PCDHGB5: variants seen among roughly 807,000 people sequenced by gnomAD.
PCDHGB5 encodes the protein protocadherin gamma-B5.
PCDHGB5 carries 48 observed loss-of-function variants against 62.9 expected under a neutral mutation model. The ratio of observed to expected loss-of-function variants is 0.76; its 90% confidence interval spans 0.61 to 0.97. The LOEUF is 0.97. Among genes scored for constraint, PCDHGB5 ranks in the 50% least tolerant of loss-of-function variants. The probability of loss-of-function intolerance (pLI) is 0.00; values close to 1 mark genes in which losing one functional copy is unlikely to be tolerated. For synonymous variants in PCDHGB5, 474 were observed against 511.2 expected (o/e 0.93, Z 0.98); for missense variants, 1,118 against 1,198.6 (o/e 0.93, Z 0.99).
At chr5:141,507,810 G>C (rs550331241) in intron 3 of PCDHGB5, among the ~76,000 whole-genome samples, 5 of 152,172 alleles carry the variant, frequency 3.3e-5, no homozygotes, top group Non-Finnish European at 2.9e-5. Context: ...CCTGGGGAAC[G>C]GACCCTGGGG....
rs1487863444 is a variant in PCDHGB5 at position 141,491,016 on chromosome 5, G to A, written c.2398-3791G>A. On this transcript the variant is annotated intron_variant, in intron 1 of 3. Transcript: ENST00000617380. This position sits in a 1 kb window ranked among gnomAD's most constrained non-coding sequence, Gnocchi z 6.9. ...CTCCTGGCTCCTTGGTCACCAAGGTGACAGCCGTGGATGCTGATGCAGGCC... is the reference window on the plus strand; with the variant it reads ...CTCCTGGCTCCTTGGTCACCAAGGTAACAGCCGTGGATGCTGATGCAGGCC... 2.5e-6 allele frequency: 4 copies of A among 1,614,136 alleles called. No individual in the cohort carries two copies. The African/African-American group carries it at 5.3e-5, about 22-fold the overall frequency.
intron 1 of PCDHGB5, among the ~76,000 whole-genome samples, chr5:141,452,019 C>T (rs1227308101): frequency 3.3e-5 from 5 of 152,194 alleles, no homozygotes; most frequent in African/African-American, 1.2e-4. Flanking sequence ...AGCCCACACT[C>T]TGGGGAGATG....
rs577770679 is a variant in PCDHGB5, at chr5:141,458,782, G to A, written c.2398-36025G>A. Reference sequence around the variant, plus strand: ...GGGTCTTGCTGTGTCACACAGGCTGGAGTGCAGTGGTGTGATCTCAGCTCA... The same window carrying A: ...GGGTCTTGCTGTGTCACACAGGCTGAAGTGCAGTGGTGTGATCTCAGCTCA... On this transcript the variant is annotated intron_variant, in intron 1 of 3. Coordinates refer to ENST00000617380, the MANE Select transcript of PCDHGB5 (RefSeq NM_018925.3). 3.3e-5 allele frequency among the ~76,000 whole-genome samples: 5 copies of A among 152,020 alleles called. No homozygotes were observed. In the East Asian group the frequency reaches 9.7e-4, roughly 30 times the overall value.
At chr5:141,443,312 C>T (rs1296976995) in intron 1 of PCDHGB5, among the ~76,000 whole-genome samples, 2 of 115,698 alleles carry the variant, frequency 1.7e-5, no homozygotes, top group Non-Finnish European at 3.3e-5. Flanking sequence ...AAAAACCCAT[C>T]TCTACAAAAA....
chr5:141,433,050 G>A, intron 1 of PCDHGB5: 2 of 1,614,142 alleles, frequency 1.2e-6, no homozygotes, highest in Non-Finnish European at 1.7e-6. Context: ...ACGGACTCGC[G>A]GAAGAGTCAC....
At chr5:141,433,732 G>A (rs1181042854) in intron 1 of PCDHGB5, among the ~76,000 whole-genome samples, 2 of 151,886 alleles carry the variant, frequency 1.3e-5, no homozygotes, top group Non-Finnish European at 2.9e-5. Flanking sequence ...AGCTACTTGG[G>A]AGGCTGAGTC....
At chr5:141,414,691 T>A (rs2095777481) in intron 1 of PCDHGB5, 1 of 1,613,848 alleles carries the variant, frequency 6.2e-7, no homozygotes, top group African/African-American at 1.3e-5. Context: ...GGTACCTCTG[T>A]CCTCATACAT....
intron 1 of PCDHGB5, among the ~76,000 whole-genome samples, chr5:141,474,404 G>A (rs1014003488): frequency 4.6e-5 from 7 of 152,156 alleles, no homozygotes; most frequent in East Asian, 1.9e-4. Context: ...CAAGCTCCCC[G>A]GTGATGCCTA....
Position 141,476,267 on chromosome 5 carries a change from G to A in PCDHGB5, c.2398-18540G>A, listed in dbSNP as rs373758158. The A allele has an allele frequency of 6.8e-6, 11 of 1,613,938 alleles. No homozygotes were observed. Among genetic ancestry groups the A allele is most frequent in the African/African-American group, 1.3e-5 (1 of 74,884 alleles). On this transcript the variant is annotated intron_variant, in intron 1 of 3. Transcript: ENST00000617380. The surrounding 1 kb of genome is among the most constrained non-coding windows in gnomAD (Gnocchi z 7.6). ...GAAGGGTTTCGCTGTGGGCAACGTG[G>A]TCGCGAACCTTGGTTTGGATCTCGG...
At chr5:141,409,876 C>G in intron 1 of PCDHGB5, 1 of 1,612,874 alleles carries the variant, frequency 6.2e-7, no homozygotes, top group East Asian at 2.2e-5. Flanking sequence ...GCAATGACAA[C>G]GCACCGCGGG....
chr5:141,510,995 G>T lies in PCDHGB5; in HGVS notation c.2594G>T (p.Gly865Val). ...STLGGGAGTM[G>V]LSARYGPQFT... is the part of the protein sequence containing the mutation. ...CTGGGAGGGGGTGCCGGCACCATGG[G>T]ATTGAGCGCCCGCTACGGACCCCAG... is the stretch of plus-strand genomic sequence containing the variant. Residue 865 changes from glycine to valine, a missense_variant, in exon 4 of 4, where the codon GGA becomes GTA. Physicochemically the swap from Gly to Val is moderately radical, Grantham distance 109. Around this residue, in one of 2 missense-constraint regions of PCDHGB5, gnomAD observed 1,034 missense variants for 1,029.1 expected, o/e 1.00. Coordinates refer to ENST00000617380, the MANE Select transcript of PCDHGB5 (RefSeq NM_018925.3). The T allele has an allele frequency of 6.2e-7, 1 of 1,614,172 alleles. No individual in the cohort carries two copies. Among genetic ancestry groups the T allele is most frequent in the Non-Finnish European group, 8.5e-7 (1 of 1,180,018 alleles).
intron 1 of PCDHGB5, among the ~76,000 whole-genome samples, chr5:141,473,773 T>C (rs1473510505): frequency 6.6e-6 from 1 of 152,254 alleles, no homozygotes; most frequent in Non-Finnish European, 1.5e-5. Context: ...GGATTTGGTA[T>C]TTTAATTCAA....
intron 2 of PCDHGB5, among the ~76,000 whole-genome samples, chr5:141,501,530 G>A (rs556760554): frequency 3.5e-4 from 53 of 151,998 alleles, no homozygotes; most frequent in Admixed American, 2.2e-3. Context: ...AGCCCAGTAC[G>A]TTGTTGTGCA....
intron 1 of PCDHGB5, among the ~76,000 whole-genome samples, chr5:141,465,879 T>C (rs979784878): frequency 6.6e-6 from 1 of 152,062 alleles, no homozygotes; most frequent in African/African-American, 2.4e-5. Context: ...TCCCAGCACT[T>C]TGGGAGGCCG....
At position 141,486,055 on chromosome 5, in the gene PCDHGB5, C is replaced by T; in HGVS notation, c.2398-8752C>T. 6.2e-7 allele frequency: 1 copy of T among 1,614,170 alleles called. No individual in the cohort carries two copies. ...CTGATCGTGTAAGAAACCTCTTTAG[C>T]CTGCACCCCACTACTGGAAAGCTTA... On this transcript the variant is annotated intron_variant, in intron 1 of 3. Transcript: ENST00000617380. The surrounding 1 kb of genome is among the most constrained non-coding windows in gnomAD (Gnocchi z 5.0).
At position 141,478,334 on chromosome 5, in the gene PCDHGB5, C is replaced by T. The variant is rs1303200872; in HGVS notation, c.2398-16473C>T. 2.5e-6 allele frequency: 4 copies of T among 1,613,944 alleles called. No individual in the cohort carries two copies. The highest frequency in any genetic ancestry group is 3.4e-6 in the Non-Finnish European group (4 of 1,180,016). ...GAGCTCACTGTACCGAACACCAGGG[C>T]CCTCCTTGCACGCGGACGCCGTGCG... On this transcript the variant is annotated intron_variant, in intron 1 of 3. Coordinates refer to ENST00000617380, the MANE Select transcript of PCDHGB5 (RefSeq NM_018925.3).
At chr5:141,410,828 C>A in intron 1 of PCDHGB5, 4 of 377,748 alleles carry the variant, frequency 1.1e-5, no homozygotes, top group Non-Finnish European at 1.8e-5. Context: ...TGTCACCAGA[C>A]TGAAGATATT....
intron 1 of PCDHGB5, among the ~76,000 whole-genome samples, chr5:141,455,769 C>T (rs1371335785): frequency 2.6e-5 from 4 of 152,014 alleles, no homozygotes; most frequent in Admixed American, 2.6e-4. Flanking sequence ...AGAGCCGGGG[C>T]TTTAAAAGAA....
chr5:141,494,546 G>A (rs984336435), intron 1 of PCDHGB5, among the ~76,000 whole-genome samples: 7 of 152,152 alleles, frequency 4.6e-5, no homozygotes, highest in African/African-American at 1.2e-4. Context: ...GGAGGAAGGG[G>A]CCATTTCTTT....
Sources: gnomAD v4.1 joint callset for allele counts (sites outside exome capture counted in the v4.1 genomes callset) on GRCh38, gnomAD v4.1.1 for gene constraint, gnomAD v4.1.1 regional missense constraint, Gnocchi (gnomAD v3.1) non-coding constraint, MANE v1.5 for transcripts, NCBI Gene and HGNC (gene_info 2026-07-23, HGNC 2026-07-21) for gene names.